PBX3: variants seen among roughly 807,000 people sequenced by gnomAD.
PBX3 encodes PBX homeobox 3, also known as pre-B-cell leukemia transcription factor 3.
In PBX3, 14 loss-of-function variants were observed where a neutral mutation model predicts 48.5. The ratio of observed to expected loss-of-function variants is 0.29; its 90% CI spans 0.19 to 0.45. PBX3 has a LOEUF of 0.45. Ranked by LOEUF, PBX3 falls within the 20% of genes least tolerant of loss-of-function variation. The probability of loss-of-function intolerance (pLI) is 1.00; values close to 1 mark genes in which losing one functional copy is unlikely to be tolerated. For synonymous variants in PBX3, 210 were observed against 200.3 expected (o/e 1.05, Z -0.41); for missense variants, 386 against 546.7 (o/e 0.71, Z 2.93).
intron 2 of PBX3, among the ~76,000 whole-genome samples, chr9:125,828,318 A>G (rs1345042191): frequency 6.6e-6 from 1 of 152,208 alleles, no homozygotes; most frequent in Non-Finnish European, 1.5e-5. Flanking sequence ...CAAATGGTTT[A>G]TATAGAAATG....
At chr9:125,794,329 T>G (rs1274340818) in intron 2 of PBX3, among the ~76,000 whole-genome samples, 1 of 152,220 alleles carries the variant, frequency 6.6e-6, no homozygotes, top group Non-Finnish European at 1.5e-5. Flanking sequence ...AAATTGTATT[T>G]TAACAAGATT....
chr9:125,879,586 A>G (rs192030636), intron 2 of PBX3, among the ~76,000 whole-genome samples: 197 of 152,270 alleles, frequency 1.3e-3, no homozygotes, highest in African/African-American at 3.8e-3. Flanking sequence ...CTTCAGGACA[A>G]TCTTTAAATT....
intron 2 of PBX3, among the ~76,000 whole-genome samples, chr9:125,847,653 G>A (rs2132249715): frequency 6.6e-6 from 1 of 151,320 alleles, no homozygotes; most frequent in Admixed American, 6.6e-5. Context: ...AGTGGCATTA[G>A]GATTTTTAAC....
chr9:125,781,550 G>A (rs1837313511), intron 2 of PBX3, among the ~76,000 whole-genome samples: 1 of 139,116 alleles, frequency 7.2e-6, no homozygotes, highest in South Asian at 2.4e-4. Context: ...GAGGGGAGAG[G>A]GGAGAGGGGA....
At chr9:125,846,900 C>T (rs1839439346) in intron 2 of PBX3, among the ~76,000 whole-genome samples, 1 of 151,532 alleles carries the variant, frequency 6.6e-6, no homozygotes, top group Non-Finnish European at 1.5e-5. Context: ...GCTTCTTTTC[C>T]ATTTTTTTTT....
At chr9:125,856,597 C>T (rs1274543163) in intron 2 of PBX3, among the ~76,000 whole-genome samples, 1 of 152,136 alleles carries the variant, frequency 6.6e-6, no homozygotes, top group East Asian at 1.9e-4. Context: ...CAAGCAGTCC[C>T]AGCATAAAAC....
intron 2 of PBX3, among the ~76,000 whole-genome samples, chr9:125,828,603 C>T (rs939089030): frequency 4.6e-5 from 7 of 152,168 alleles, no homozygotes; most frequent in African/African-American, 1.7e-4. Flanking sequence ...AAACTACTTT[C>T]TACCCTCAAT....
intron 2 of PBX3, among the ~76,000 whole-genome samples, chr9:125,836,377 G>A (rs1307693831): frequency 2.6e-5 from 4 of 152,056 alleles, no homozygotes; most frequent in African/African-American, 7.2e-5. Context: ...CCCGGGAAGC[G>A]GAGCTTGCAG....
At chr9:125,859,306 T>C (rs1304828711) in intron 2 of PBX3, among the ~76,000 whole-genome samples, 2 of 152,230 alleles carry the variant, frequency 1.3e-5, no homozygotes, top group Admixed American at 6.5e-5. Context: ...TTGTTTATTA[T>C]TGTTTTTTGT....
At chr9:125,923,626 G>A (rs1207646923) in intron 3 of PBX3, among the ~76,000 whole-genome samples, 2 of 152,072 alleles carry the variant, frequency 1.3e-5, no homozygotes, top group Admixed American at 1.3e-4. Context: ...AGTACAGTGG[G>A]GCGAACATGG....
chr9:125,817,000 C>G (rs10986949), intron 2 of PBX3, among the ~76,000 whole-genome samples: 1 of 152,008 alleles, frequency 6.6e-6, no homozygotes, highest in Non-Finnish European at 1.5e-5. Context: ...TCTGTGCATG[C>G]GTAGCTGATC....
At chr9:125,765,531 C>T (rs779416786) in intron 2 of PBX3, among the ~76,000 whole-genome samples, 5 of 152,132 alleles carry the variant, frequency 3.3e-5, no homozygotes, top group Non-Finnish European at 5.9e-5. Context: ...TGAGACCCCA[C>T]ATTTAAAGGG....
intron 2 of PBX3, among the ~76,000 whole-genome samples, chr9:125,809,637 GA>G (rs1838228893): frequency 6.6e-6 from 1 of 152,036 alleles, no homozygotes; most frequent in African/African-American, 2.4e-5. Flanking sequence ...GAATATCTGT[GA>G]CCTCAGGGTG....
chr9:125,894,179 G>A (rs1324220909), intron 2 of PBX3, among the ~76,000 whole-genome samples: 1 of 152,112 alleles, frequency 6.6e-6, no homozygotes, highest in African/African-American at 2.4e-5. Flanking sequence ...TGGATATCCT[G>A]AATATTCACT....
At chr9:125,762,817 G>T (rs748578876) in intron 2 of PBX3, among the ~76,000 whole-genome samples, 1 of 151,896 alleles carries the variant, frequency 6.6e-6, no homozygotes, top group Non-Finnish European at 1.5e-5. Flanking sequence ...GATCTAAAGC[G>T]GTCAAAAAAA....
At chr9:125,830,807 C>T (rs749331548) in intron 2 of PBX3, among the ~76,000 whole-genome samples, 38 of 151,382 alleles carry the variant, frequency 2.5e-4, no homozygotes, top group Non-Finnish European at 4.6e-4. Flanking sequence ...TGTAGAGCTG[C>T]GATTCAAACT....
intron 2 of PBX3, among the ~76,000 whole-genome samples, chr9:125,904,814 G>T (rs1229281133): frequency 6.6e-6 from 1 of 151,864 alleles, no homozygotes; most frequent in Non-Finnish European, 1.5e-5. Context: ...GAGGAAGAGG[G>T]TGGATTTATG....
At position 125,935,536 on chromosome 9, in the gene PBX3, C is replaced by A; in HGVS notation, c.772C>A (p.Leu258Ile). Residue 258 changes from leucine to isoleucine, a missense_variant, in exon 5 of 9, where the codon CTC becomes ATC. Physicochemically the swap from Leu to Ile is conservative, Grantham distance 5. Around this residue, in one of 4 missense-constraint regions of PBX3, gnomAD observed 74 missense variants for 206.1 expected, o/e 0.36. Coordinates refer to ENST00000373489, the MANE Select transcript of PBX3 (RefSeq NM_006195.6). ...CTTGAATGAATATTTTTACTCACAC[C>A]TCAGCAACCCCTACCCCAGTGAAGA... Reference protein sequence around the residue: ...EILNEYFYSHLSNPYPSEEAK... With the variant: ...EILNEYFYSHISNPYPSEEAK... The A allele has an allele frequency of 6.2e-7, 1 of 1,613,706 alleles. No homozygotes were observed. Among genetic ancestry groups the A allele is most frequent in the South Asian group, 1.1e-5 (1 of 91,064 alleles).
chr9:125,760,418 CAT>C (rs755051544), intron 2 of PBX3, among the ~76,000 whole-genome samples: 19 of 151,396 alleles, frequency 1.3e-4, no homozygotes, highest in Non-Finnish European at 2.7e-4. Flanking sequence ...TTTTTTGAGA[CAT>C]AGGAGAAGAA....
Sources: gnomAD v4.1 joint callset for allele counts (sites outside exome capture counted in the v4.1 genomes callset) on GRCh38, gnomAD v4.1.1 for gene constraint, gnomAD v4.1.1 regional missense constraint, MANE v1.5 for transcripts, NCBI Gene and HGNC (gene_info 2026-07-23, HGNC 2026-07-21) for gene names.